The following FAT3 variants were observed in gnomAD, a reference collection of about 807,000 sequenced individuals.
The protein encoded by FAT3 is FAT atypical cadherin 3.
A neutral mutation model predicts 310.2 loss-of-function variants in FAT3; 95 were observed. The observed-to-expected ratio is 0.31, with a 90% CI of 0.26 to 0.36. FAT3 has a LOEUF of 0.36. FAT3 is among the 10% of genes least tolerant of loss of function. The pLI is 1.00. For missense variants in FAT3, 5,408 were observed against 5,715.6 expected, an observed-to-expected ratio of 0.95 and a Z score of 1.74; for synonymous variants, 2,314 against 2,192.9, an observed-to-expected ratio of 1.06 and a Z score of -1.54.
At chr11:92,247,725 G>GTTTTTTTTTT (rs139681837) in intron 1 of FAT3, among the ~76,000 whole-genome samples, 1 of 141,694 alleles carries the variant, frequency 7.1e-6, no homozygotes, top group Non-Finnish European at 1.5e-5. Context: ...AGGTTCACCT[G>GTTTTTTTTTT]TTTTTTTTTT....
chr11:92,833,721 T>G (rs1267586347), intron 14 of FAT3, among the ~76,000 whole-genome samples: 1 of 152,184 alleles, frequency 6.6e-6, no homozygotes, highest in African/African-American at 2.4e-5. Context: ...AAGGTCATTA[T>G]CTCAAATAAA....
chr11:92,404,337 A>C (rs189270848), intron 2 of FAT3, among the ~76,000 whole-genome samples: 58 of 152,304 alleles, frequency 3.8e-4, no homozygotes, highest in Non-Finnish European at 1.6e-4. Context: ...TGCTGGGTAC[A>C]GGATAGCCAG....
intron 1 of FAT3, among the ~76,000 whole-genome samples, chr11:92,310,428 GC>G: frequency 6.6e-6 from 1 of 152,228 alleles, no homozygotes; most frequent in Non-Finnish European, 1.5e-5. Flanking sequence ...TTGTGTCTGT[GC>G]AGAATTGAAA....
intron 1 of FAT3, among the ~76,000 whole-genome samples, chr11:92,310,404 C>T (rs1947266597): frequency 6.6e-6 from 1 of 152,054 alleles, no homozygotes; most frequent in Non-Finnish European, 1.5e-5. Flanking sequence ...TTTCTGTATA[C>T]TTAGAGGAAA....
chr11:92,848,191 A>G (rs574892224), intron 19 of FAT3, among the ~76,000 whole-genome samples: 8 of 152,348 alleles, frequency 5.3e-5, no homozygotes, highest in South Asian at 2.1e-4. Flanking sequence ...TGGTCCAATT[A>G]TCATCATTAG....
chr11:92,468,934 T>A (rs1308085913), intron 2 of FAT3, among the ~76,000 whole-genome samples: 1 of 152,202 alleles, frequency 6.6e-6, no homozygotes, highest in African/African-American at 2.4e-5. Flanking sequence ...TAAATTATTA[T>A]GATTTTTTGC....
rs1294766200 is a variant in FAT3, at chr11:92,306,567, TTATATATTATATATATTTATATTA to T, written c.-17-45514_-17-45491del. Among the ~76,000 whole-genome samples, 435 of 129,440 alleles carry T rather than the reference TTATATATTATATATATTTATATTA, an allele frequency of 3.4e-3. 3 individuals are homozygous for T. Among genetic ancestry groups the T allele is most frequent in the African/African-American group, 0.012 (405 of 34,396 alleles). 84.9% of individuals were successfully genotyped at this position (129,440 alleles called of 152,430 possible). On this transcript the variant is annotated intron_variant, in intron 1 of 27. Transcript: ENST00000525166. ...ATTATATATGTTATATATATTTATA[TTATATATTATATATATTTATATTA>T]TATATATTATATATTTATATTATAT...
In FAT3 at chr11:92,852,248, G is replaced by A. The variant is rs142060170; in HGVS notation, c.11366-4966G>A. Among the ~76,000 whole-genome samples the A allele has an allele frequency of 5.4e-3, 822 of 152,274 alleles. 12 individuals carry two copies. The highest frequency in any genetic ancestry group is 0.019 in the African/African-American group (786 of 41,552). ...ATAGAGAGGAAAGAACTGCAATGTG[G>A]CATATGGGTGTTATTTCCTTTTGAG... On this transcript the variant is annotated intron_variant, in intron 19 of 27. Transcript: ENST00000525166.
chr11:92,628,262 A>G (rs987478343), intron 3 of FAT3, among the ~76,000 whole-genome samples: 1 of 152,092 alleles, frequency 6.6e-6, no homozygotes, highest in Non-Finnish European at 1.5e-5. Flanking sequence ...TCACTAGGGG[A>G]GCTTGCTATT....
Position 92,790,213 on chromosome 11 carries a change from A to G in FAT3, c.4606A>G (p.Ile1536Val), listed in dbSNP as rs778031084. The change falls in exon 8 of 28, where the codon ATA becomes GTA. Residue 1536 changes from isoleucine to valine, a missense_variant. Physicochemically the swap from Ile to Val is conservative, Grantham distance 29. Around this residue, in one of 5 missense-constraint regions of FAT3, gnomAD observed 4,588 missense variants for 4,809.8 expected, o/e 0.95. Coordinates refer to ENST00000525166, the MANE Select transcript of FAT3 (RefSeq NM_001367949.2). ...HEAQDKHILN[I>V]MVRDQEFPYR... is the part of the protein sequence containing the mutation. ...GGCCCAGGACAAGCACATTCTCAAC[A>G]TAATGGTAGGACCAAAATCCTAATT... 32 of 1,613,410 alleles carry G rather than the reference A, an allele frequency of 2.0e-5. No individual in the cohort carries two copies. Among genetic ancestry groups the G allele is most frequent in the Non-Finnish European group, 2.6e-5 (31 of 1,179,484 alleles).
chr11:92,609,469 T>C (rs1367044653), intron 3 of FAT3, among the ~76,000 whole-genome samples: 1 of 152,222 alleles, frequency 6.6e-6, no homozygotes, highest in Non-Finnish European at 1.5e-5. Flanking sequence ...ATGTGTACTA[T>C]ACAAATCCCT....
At chr11:92,315,508 TATATAGAGAGAGAGAGAGAG>T (rs1189443058) in intron 1 of FAT3, among the ~76,000 whole-genome samples, 1 of 83,352 alleles carries the variant, frequency 1.2e-5, no homozygotes, top group Non-Finnish European at 2.3e-5. Flanking sequence ...TATATATATA[TATATAGAGAGAGAGAGAGAG>T]AGAGAGAGAG....
At chr11:92,358,190 T>C (rs1948784976) in intron 2 of FAT3, among the ~76,000 whole-genome samples, 2 of 151,786 alleles carry the variant, frequency 1.3e-5, no homozygotes, top group African/African-American at 4.8e-5. Flanking sequence ...AAAATAATAA[T>C]TAAAAATAAA....
chr11:92,803,274 G>A (rs1382868268), intron 10 of FAT3, among the ~76,000 whole-genome samples: 4 of 152,176 alleles, frequency 2.6e-5, no homozygotes, highest in Admixed American at 6.5e-5. Flanking sequence ...CCAAAGTAAT[G>A]AGTACAGAGT....
At chr11:92,762,900 G>A (rs979633571) in intron 5 of FAT3, among the ~76,000 whole-genome samples, 2 of 152,168 alleles carry the variant, frequency 1.3e-5, no homozygotes, top group South Asian at 2.1e-4. Flanking sequence ...GTTCATGCCT[G>A]TAATCCCAGC....
chr11:92,750,638 C>G (rs1272772160), intron 4 of FAT3, among the ~76,000 whole-genome samples: 1 of 144,822 alleles, frequency 6.9e-6, no homozygotes, highest in Non-Finnish European at 1.5e-5. Context: ...TGGCTGTTCT[C>G]TCTCTCTCTC....
chr11:92,472,945 G>C (rs1013798367), intron 2 of FAT3, among the ~76,000 whole-genome samples: 1 of 152,138 alleles, frequency 6.6e-6, no homozygotes, highest in African/African-American at 2.4e-5. Flanking sequence ...CTTGCTCTTC[G>C]TTTATCTGTG....
At chr11:92,436,410 G>A (rs1950940798) in intron 2 of FAT3, among the ~76,000 whole-genome samples, 1 of 152,166 alleles carries the variant, frequency 6.6e-6, no homozygotes. Context: ...TCAAAATGCT[G>A]GGATTACAGG....
At chr11:92,467,297 G>A (rs201427112) in intron 2 of FAT3, among the ~76,000 whole-genome samples, 1 of 151,922 alleles carries the variant, frequency 6.6e-6, no homozygotes, top group Non-Finnish European at 1.5e-5. Context: ...ATGGTATCTC[G>A]TTGTTTTGAT....
Sources: allele counts gnomAD v4.1 joint callset (sites outside exome capture counted in the v4.1 genomes callset), GRCh38; gene constraint gnomAD v4.1.1; regional missense constraint gnomAD v4.1.1; transcripts MANE v1.5; gene names NCBI Gene and HGNC (gene_info 2026-07-23, HGNC 2026-07-21).